ANO4: variants seen among roughly 807,000 people sequenced by gnomAD.
The protein encoded by ANO4 is anoctamin 4, also known as anoctamin-4.
ANO4 carries 69 observed loss-of-function variants against 141.9 expected under a neutral mutation model. The observed-to-expected ratio is 0.49, with a 90% CI of 0.40 to 0.59. The LOEUF is 0.59. Ranked by LOEUF, ANO4 falls within the 20% of genes least tolerant of loss-of-function variation. The pLI is 0.00. For synonymous variants in ANO4, 350 were observed against 394.3 expected (o/e 0.89, Z 1.33); for missense variants, 894 against 1,162.2 (o/e 0.77, Z 3.36).
intron 5 of ANO4, among the ~76,000 whole-genome samples, chr12:100,966,334 T>C (rs1334157787): frequency 6.6e-6 from 1 of 152,200 alleles, no homozygotes; most frequent in African/African-American, 2.4e-5. Flanking sequence ...TTTCCTATTT[T>C]ACATTTGAAC....
chr12:100,874,533 T>C (rs909913118), intron 1 of ANO4, among the ~76,000 whole-genome samples: 6 of 152,134 alleles, frequency 3.9e-5, no homozygotes, highest in Admixed American at 6.5e-5. Context: ...TATTTTTATT[T>C]TTTTGAGACA....
At chr12:100,995,475 T>C (rs1016134863) in intron 8 of ANO4, among the ~76,000 whole-genome samples, 10 of 152,226 alleles carry the variant, frequency 6.6e-5, no homozygotes, top group Admixed American at 1.3e-4. Flanking sequence ...ACTTAACTTT[T>C]GACAGTGTCA....
chr12:100,812,453 A>G (rs998956148), intron 1 of ANO4, among the ~76,000 whole-genome samples: 1 of 151,556 alleles, frequency 6.6e-6, no homozygotes, highest in Non-Finnish European at 1.5e-5. Flanking sequence ...ATAAAACTCC[A>G]ATATGTTTGT....
intron 14 of ANO4, among the ~76,000 whole-genome samples, 180 bp downstream of exon 14, chr12:101,048,581 G>C (rs2047732083): frequency 6.6e-6 from 1 of 152,198 alleles, no homozygotes; most frequent in African/African-American, 2.4e-5. Context: ...GTAGAAGAGA[G>C]ACATGTCTGA....
At chr12:100,823,229 T>C (rs1246139237) in intron 1 of ANO4, among the ~76,000 whole-genome samples, 4 of 150,936 alleles carry the variant, frequency 2.7e-5, no homozygotes, top group African/African-American at 4.9e-5. Context: ...GCCAAATGAC[T>C]TTTTTTTTAT....
At chr12:100,818,929 T>G (rs2035876233) in intron 1 of ANO4, among the ~76,000 whole-genome samples, 1 of 151,802 alleles carries the variant, frequency 6.6e-6, no homozygotes, top group African/African-American at 2.4e-5. Context: ...AAACTGAGGA[T>G]CCTTGGGCTA....
intron 8 of ANO4, among the ~76,000 whole-genome samples, chr12:101,003,881 G>C (rs1243465832): frequency 2.0e-5 from 3 of 152,062 alleles, no homozygotes; most frequent in Non-Finnish European, 4.4e-5. Context: ...AAAGACCTGG[G>C]CAGAAGAGAG....
At chr12:100,980,809 T>G (rs1160873395) in intron 7 of ANO4, among the ~76,000 whole-genome samples, 1 of 152,228 alleles carries the variant, frequency 6.6e-6, no homozygotes, top group Non-Finnish European at 1.5e-5. Context: ...AATGCTGCTT[T>G]CTTTCTTATC....
chr12:101,026,412 T>C (rs1159592034), intron 9 of ANO4, among the ~76,000 whole-genome samples: 1 of 152,192 alleles, frequency 6.6e-6, no homozygotes, highest in Admixed American at 6.5e-5. Flanking sequence ...ATACTATGTT[T>C]ATGAGTCAGA....
At chr12:100,948,575 T>C (rs1251371316) in intron 5 of ANO4, among the ~76,000 whole-genome samples, 3 of 152,204 alleles carry the variant, frequency 2.0e-5, no homozygotes, top group Admixed American at 6.5e-5. Flanking sequence ...TTATGACTGA[T>C]ATAAAAGCTT....
In ANO4 at chr12:100,954,830, A is replaced by G. The variant is rs187286491; in HGVS notation, c.456+12295A>G. 2.8e-3 allele frequency among the ~76,000 whole-genome samples: 434 copies of G among 152,342 alleles called. 5 individuals carry two copies. The highest frequency in any genetic ancestry group is 9.1e-3 in the African/African-American group (380 of 41,574). ...AAACCCACATCTTTGTTCTGATGCTAACGTTAGGCAACTGTCTTTTTTCAA... is the reference window on the plus strand; with the variant it reads ...AAACCCACATCTTTGTTCTGATGCTGACGTTAGGCAACTGTCTTTTTTCAA... On this transcript the variant is annotated intron_variant, in intron 5 of 27. Coordinates refer to ENST00000392977, the MANE Select transcript of ANO4 (RefSeq NM_001286615.2).
rs537694909 is a variant in ANO4, at chr12:100,835,997, T to C, written c.-141+40970T>C. 1.2e-3 allele frequency among the ~76,000 whole-genome samples: 177 copies of C among 152,280 alleles called. 1 individual carries two copies. The highest frequency in any genetic ancestry group is 2.0e-3 in the Non-Finnish European group (139 of 68,014). On this transcript the variant is annotated intron_variant, in intron 1 of 27. Transcript: ENST00000392977. ...TTTCAATTAGTGACAGCAGGACCAG[T>C]GCCTGAAGGCCCTATTCATTGGGTA...
chr12:100,979,319 TA>T (rs2044345395), intron 7 of ANO4, among the ~76,000 whole-genome samples: 1 of 152,090 alleles, frequency 6.6e-6, no homozygotes, highest in African/African-American at 2.4e-5. Context: ...GGAGGGCTTT[TA>T]AAAACACGGA....
At chr12:100,876,675 A>G (rs1469663860) in intron 1 of ANO4, among the ~76,000 whole-genome samples, 2 of 152,188 alleles carry the variant, frequency 1.3e-5, no homozygotes, top group Non-Finnish European at 2.9e-5. Context: ...AAAAGCAGAG[A>G]AGGCAGATTT....
chr12:101,036,155 G>A (rs2047184944), intron 9 of ANO4, among the ~76,000 whole-genome samples: 2 of 152,140 alleles, frequency 1.3e-5, no homozygotes, highest in Admixed American at 1.3e-4. Context: ...CCACGGTGAA[G>A]TATCATCTCA....
Position 101,083,798 on chromosome 12 carries a change from G to A in ANO4, c.1516G>A (p.Ala506Thr), listed in dbSNP as rs773151360. The part of the protein sequence containing the change: ...TDKCSRLIVS[A>T]SGIFFMICVV... ...TAAATGCAGCAGACTTATCGTTTCT[G>A]CATCTGGAATATTTTTTATGGTTTG... The change falls in exon 16 of 28, where the codon GCA becomes ACA. Residue 506 changes from alanine (A) to threonine (T), a missense_variant. By Grantham distance (58) the Ala-to-Thr change is moderately conservative (BLOSUM62 0). This residue lies in a region of ANO4 where 637 missense variants were observed against 909.2 expected (regional missense o/e 0.70). Transcript: ENST00000392977. The A allele has an allele frequency of 1.9e-6, 3 of 1,566,504 alleles. No individual in the cohort carries two copies. Among genetic ancestry groups the A allele is most frequent in the Non-Finnish European group, 8.6e-7 (1 of 1,166,518 alleles).
Position 100,993,152 on chromosome 12 carries a change from A to G in ANO4, c.734+5482A>G, listed in dbSNP as rs1235549270. 2.0e-5 allele frequency among the ~76,000 whole-genome samples: 3 copies of G among 152,166 alleles called. No individual in the cohort carries two copies. The East Asian group carries it at 5.8e-4, about 29-fold the overall frequency. The stretch of plus-strand genomic sequence containing the variant: ...TGCAGTGAGTTATGATTGTGCCACC[A>G]TACTCCAGCCTGGGCAACAGAATGA... On this transcript the variant is annotated intron_variant, in intron 8 of 27. Transcript: ENST00000392977.
chr12:100,985,007 T>C (rs1484226382), intron 7 of ANO4, among the ~76,000 whole-genome samples: 3 of 152,198 alleles, frequency 2.0e-5, no homozygotes, highest in Admixed American at 2.0e-4. Flanking sequence ...GAGCCCAGAT[T>C]CTGTGGGAAT....
At chr12:100,748,138 C>A (rs759470004) in intron 3 of ANO4, among the ~76,000 whole-genome samples, 4 of 152,056 alleles carry the variant, frequency 2.6e-5, no homozygotes, top group African/African-American at 9.7e-5. Context: ...TCTTAGGTGC[C>A]CAATGTTATG....
Sources: gnomAD v4.1 joint callset for allele counts (sites outside exome capture counted in the v4.1 genomes callset) on GRCh38, gnomAD v4.1.1 for gene constraint, gnomAD v4.1.1 regional missense constraint, MANE v1.5 for transcripts, NCBI Gene and HGNC (gene_info 2026-07-23, HGNC 2026-07-21) for gene names.